The following TRIM67 variants were observed in gnomAD, a reference collection of about 807,000 sequenced individuals.
TRIM67 encodes the protein tripartite motif-containing protein 67.
In TRIM67, 39 loss-of-function variants were observed where a neutral mutation model predicts 71.0. That is an observed-to-expected ratio of 0.55 (90% CI 0.43 to 0.72). The LOEUF (loss-of-function observed/expected upper bound fraction) is 0.72, where lower values mean the gene tolerates loss of function less well. Among genes scored for constraint, TRIM67 ranks in the 30% least tolerant of loss-of-function variants. The pLI, the probability that TRIM67 is intolerant of heterozygous loss-of-function variation, is 0.00. For synonymous variants in TRIM67, 481 were observed against 473.9 expected (o/e 1.01, Z -0.19); for missense variants, 973 against 1,079.2 (o/e 0.90, Z 1.38).
chr1:231,172,070 G>C (rs779098462), intron 1 of TRIM67, among the ~76,000 whole-genome samples: 66 of 152,164 alleles, frequency 4.3e-4, no homozygotes, highest in African/African-American at 1.5e-3. Flanking sequence ...CTGGGCAACA[G>C]AGCAAGACCC....
rs780481545 is a variant in TRIM67 at position 231,163,489 on chromosome 1, C to A, written c.520C>A (p.Arg174Ser). 13 of 1,523,970 alleles carry A rather than the reference C, an allele frequency of 8.5e-6. No individual in the cohort carries two copies. The South Asian group carries it at 9.8e-5, about 11-fold the overall frequency. 94.4% of individuals were successfully genotyped at this position (1,523,970 alleles called of 1,614,324 possible). ...CGCATCCCTGGACCACCGCGGCCTG[C>A]GCGGCTTCCAGCGCAACCGGCTGCT... The part of the protein sequence containing the change: ...RSASLDHRGL[R>S]GFQRNRLLEA... The change falls in exon 1 of 10, where the codon CGC becomes AGC. Residue 174 changes from arginine to serine, a missense_variant. By Grantham distance (110) the Arg-to-Ser change is moderately radical. Around this residue, in one of 2 missense-constraint regions of TRIM67, gnomAD observed 795 missense variants for 831.3 expected, o/e 0.96. Coordinates refer to ENST00000366653, the MANE Select transcript of TRIM67 (RefSeq NM_001004342.5).
At position 231,220,800 on chromosome 1, in the gene TRIM67, G is replaced by A. The variant is rs759407746; in HGVS notation, c.*5360G>A. On this transcript the variant is annotated 3_prime_UTR_variant, in exon 10 of 10. Coordinates refer to ENST00000366653, the MANE Select transcript of TRIM67 (RefSeq NM_001004342.5). ...GGATCCATCGCTCTTCTCTCAAGGA[G>A]CACAGTCCTGGGAAAGGCCTAGGGA... is the stretch of plus-strand genomic sequence containing the variant. 2.6e-5 allele frequency: 4 copies of A among 152,304 alleles called. No individual in the cohort carries two copies. The highest frequency in any genetic ancestry group is 4.4e-5 in the Non-Finnish European group (3 of 68,112). 9.4% of individuals were successfully genotyped at this position (152,304 alleles called of 1,614,324 possible).
intron 1 of TRIM67, among the ~76,000 whole-genome samples, chr1:231,170,946 T>A (rs1181100021): frequency 6.6e-6 from 1 of 152,214 alleles, no homozygotes. Flanking sequence ...AGCATCAACC[T>A]GGGAGCTCAC....
chr1:231,198,996 T>C, intron 2 of TRIM67, 51 bp from the exon 3 acceptor site: 1 of 1,611,388 alleles, frequency 6.2e-7, no homozygotes, highest in African/African-American at 1.3e-5. Flanking sequence ...TTTTAGCATC[T>C]TCCCCCTAAA....
intron 8 of TRIM67, among the ~76,000 whole-genome samples, chr1:231,212,423 C>T (rs548912283): frequency 2.6e-5 from 4 of 152,114 alleles, no homozygotes; most frequent in African/African-American, 4.8e-5. Flanking sequence ...CAACTCCTTA[C>T]GGAAGGGGGT....
At position 231,213,801 on chromosome 1, in the gene TRIM67, G is replaced by T; in HGVS notation, c.2124-14G>T. 1.9e-6 allele frequency: 3 copies of T among 1,565,834 alleles called. No individual in the cohort carries two copies. The highest frequency in any genetic ancestry group is 2.6e-6 in the Non-Finnish European group (3 of 1,152,934). ...TGGGTGTGGTGATGGTCTTCCTGGG[G>T]ACTCTCTTCCCAGGACGGAAGGTGG... On this transcript the variant is annotated splice_polypyrimidine_tract_variant and intron_variant, in intron 8 of 9. Transcript: ENST00000366653.
At chr1:231,169,532 C>A (rs1676449032) in intron 1 of TRIM67, among the ~76,000 whole-genome samples, 1 of 151,778 alleles carries the variant, frequency 6.6e-6, no homozygotes, top group Non-Finnish European at 1.5e-5. Flanking sequence ...GCATGCACCA[C>A]CACGCCTGGC....
At chr1:231,203,181 G>A (rs1457282892) in intron 5 of TRIM67, among the ~76,000 whole-genome samples, 3 of 152,264 alleles carry the variant, frequency 2.0e-5, no homozygotes, top group East Asian at 3.9e-4. Context: ...GGACTCTATC[G>A]ATTTCTAAAA....
intron 1 of TRIM67, chr1:231,185,983 C>T (rs563047563): frequency 2.0e-5 from 20 of 1,009,554 alleles, no homozygotes; most frequent in Non-Finnish European, 2.8e-5. Context: ...CTAGAGGAGA[C>T]GAGAAGGAGG....
chr1:231,208,728 G>A (rs866550647), intron 7 of TRIM67, among the ~76,000 whole-genome samples: 8 of 152,158 alleles, frequency 5.3e-5, no homozygotes, highest in Admixed American at 3.3e-4. Context: ...GGCCAGGCTC[G>A]TAGGGCTGGC....
Position 231,204,131 on chromosome 1 carries a change from G to T in TRIM67, c.1680+119G>T, listed in dbSNP as rs528352397. ...GGACATTGTGTTGCCATCCTGAGGG[G>T]ACACTGGCCAAAAGGATAAAGAAGG... is the stretch of plus-strand genomic sequence containing the variant. On this transcript the variant is annotated intron_variant, in intron 6 of 9. Transcript: ENST00000366653. The T allele has an allele frequency of 7.4e-5, 106 of 1,425,742 alleles. No homozygotes were observed. In the East Asian group the frequency reaches 2.5e-3, roughly 34 times the overall value. 88.3% of individuals were successfully genotyped at this position (1,425,742 alleles called of 1,614,324 possible).
At chr1:231,177,218 G>C (rs945996823) in intron 1 of TRIM67, among the ~76,000 whole-genome samples, 6 of 152,236 alleles carry the variant, frequency 3.9e-5, no homozygotes, top group Non-Finnish European at 5.9e-5. Context: ...AGACTAGAGA[G>C]ATGGGAGTTG....
At chr1:231,199,595 G>A (rs1007716398) in intron 3 of TRIM67, among the ~76,000 whole-genome samples, 2 of 152,144 alleles carry the variant, frequency 1.3e-5, no homozygotes, top group African/African-American at 4.8e-5. Flanking sequence ...AAGGGAAGAC[G>A]AGACTCTCCC....
chr1:231,175,169 G>A (rs533858246), intron 1 of TRIM67, among the ~76,000 whole-genome samples: 27 of 152,334 alleles, frequency 1.8e-4, no homozygotes, highest in South Asian at 6.2e-4. Context: ...CTGGGAGGGC[G>A]TGAGTTTTAC....
Position 231,219,974 on chromosome 1 carries a change from T to TA in TRIM67, c.*4534_*4535insA. On this transcript the variant is annotated 3_prime_UTR_variant, in exon 10 of 10. Coordinates refer to ENST00000366653, the MANE Select transcript of TRIM67 (RefSeq NM_001004342.5). ...TTAACCTGGCTTTAATAGTGATTCA[T>TA]GGTATGAGTGGGGGCCAATCTCTTA... 1 of 1,288,506 alleles carries TA rather than the reference T, an allele frequency of 7.8e-7. No homozygotes were observed. Among genetic ancestry groups the TA allele is most frequent in the Non-Finnish European group, 1.0e-6 (1 of 987,690 alleles). 79.8% of individuals were successfully genotyped at this position (1,288,506 alleles called of 1,614,324 possible).
At chr1:231,207,578 G>A (rs754034930) in intron 7 of TRIM67, among the ~76,000 whole-genome samples, 2 of 152,200 alleles carry the variant, frequency 1.3e-5, no homozygotes, top group Admixed American at 1.3e-4. Context: ...GGCAAATCGT[G>A]CATTCATTGT....
chr1:231,166,653 C>A (rs924524225), intron 1 of TRIM67, among the ~76,000 whole-genome samples: 3 of 152,188 alleles, frequency 2.0e-5, no homozygotes, highest in Non-Finnish European at 4.4e-5. Flanking sequence ...ATTAAAGAAG[C>A]CATCATCAAA....
In TRIM67 at chr1:231,209,310, G is replaced by A; in HGVS notation, c.2123+60G>A. ...CAGGTTGTTTGGGAATGAGGGTCCT[G>A]AAGACCAGTGTCCCTTCTGCTGTCC... On this transcript the variant is annotated intron_variant, in intron 8 of 9. Coordinates refer to ENST00000366653, the MANE Select transcript of TRIM67 (RefSeq NM_001004342.5). This position sits in a 1 kb window ranked among gnomAD's most constrained non-coding sequence, Gnocchi z 4.1. The A allele has an allele frequency of 4.1e-6, 6 of 1,465,614 alleles. No individual in the cohort carries two copies. The highest frequency in any genetic ancestry group is 5.5e-6 in the Non-Finnish European group (6 of 1,100,564). The allele number at this position is 1,465,614 out of a possible 1,614,324, so 90.8% of individuals were successfully genotyped here. A position where few individuals can be genotyped will look rare whatever the true frequency, so the allele number is the denominator to read the frequency against.
At chr1:231,177,498 C>T (rs1004485480) in intron 1 of TRIM67, among the ~76,000 whole-genome samples, 2 of 152,164 alleles carry the variant, frequency 1.3e-5, no homozygotes, top group Admixed American at 6.5e-5. Context: ...ACATCCCATC[C>T]CAGGCTTGTT....
Sources: allele counts gnomAD v4.1 joint callset (sites outside exome capture counted in the v4.1 genomes callset), GRCh38; gene constraint gnomAD v4.1.1; regional missense constraint gnomAD v4.1.1; non-coding constraint Gnocchi (gnomAD v3.1); transcripts MANE v1.5; gene names NCBI Gene and HGNC (gene_info 2026-07-23, HGNC 2026-07-21).